Variants in TOB2 observed in about 807,000 individuals in gnomAD.
TOB2 encodes protein Tob2.
In TOB2, 3 loss-of-function variants were observed where a neutral mutation model predicts 17.3. The observed-to-expected ratio is 0.17, with a 90% confidence interval of 0.08 to 0.45. The LOEUF (loss-of-function observed/expected upper bound fraction) is 0.45, where lower values mean the gene tolerates loss of function less well. Among genes scored for constraint, TOB2 ranks in the 20% least tolerant of loss-of-function variants. TOB2 has a pLI of 0.99. For missense variants in TOB2, 407 were observed against 445.7 expected, an observed-to-expected ratio of 0.91 and a Z score of 0.78; for synonymous variants, 163 against 185.6, an observed-to-expected ratio of 0.88 and a Z score of 0.99.
Position 41,436,743 on chromosome 22 carries a change from C to G in TOB2, c.603G>C (p.Gly201=), listed in dbSNP as rs1437272523. The G allele has an allele frequency of 1.8e-5, 29 of 1,613,654 alleles. 1 individual carries two copies. Among genetic ancestry groups the G allele is most frequent in the Non-Finnish European group, 2.5e-5 (29 of 1,179,846 alleles). The change falls in exon 2 of 2, where the codon GGG becomes GGC. Residue 201 remains glycine, a synonymous_variant. Coordinates refer to ENST00000327492, the MANE Select transcript of TOB2 (RefSeq NM_016272.4). The surrounding 1 kb of genome is among the most constrained non-coding windows in gnomAD (Gnocchi z 4.8). ...CACCCGCCCCACTGCTGGCTACACC[C>G]CCACCACTTGCTGCCCCGCCCCCCT... is the stretch of plus-strand genomic sequence containing the variant. ...MKKGGGAASG[G]GVASSGAGGQ... is the part of the protein sequence containing the mutation.
intron 1 of TOB2, among the ~76,000 whole-genome samples, chr22:41,441,099 CA>C (rs1411211974): frequency 6.6e-6 from 1 of 151,894 alleles, no homozygotes; most frequent in Non-Finnish European, 1.5e-5. Flanking sequence ...GAGTGGATCA[CA>C]AGGTCAGGAG....
chr22:41,437,318 T>A lies in TOB2; in HGVS notation c.28A>T (p.Asn10Tyr), dbSNP rs757727075. Reference protein sequence around the residue: MQLEIKVALNFIISYLYNKL... With the variant: MQLEIKVALYFIISYLYNKL... The stretch of plus-strand genomic sequence containing the variant: ...TTGTACAAGTAGGAGATGATGAAGT[T>A]CAGGGCCACTTTGATCTCTAGCTGC... The change falls in exon 2 of 2, where the codon AAC becomes TAC. Residue 10 changes from asparagine to tyrosine, a missense_variant. Transcript: ENST00000327492. 6.2e-7 allele frequency: 1 copy of A among 1,613,776 alleles called. No homozygotes were observed. The highest frequency in any genetic ancestry group is 1.7e-5 in the Admixed American group (1 of 59,992).
chr22:41,442,094 C>CAAA (rs34651461), intron 1 of TOB2, among the ~76,000 whole-genome samples: 2 of 105,868 alleles, frequency 1.9e-5, no homozygotes, highest in South Asian at 3.0e-4. Flanking sequence ...AATTCTGCCT[C>CAAA]AAAAAAAAAA....
chr22:41,443,560 C>T (rs1327880698), intron 1 of TOB2, among the ~76,000 whole-genome samples: 1 of 150,908 alleles, frequency 6.6e-6, no homozygotes, highest in Non-Finnish European at 1.5e-5. Flanking sequence ...CCTCGTGATC[C>T]GCTCGCCTCC....
rs986037175 is a variant in TOB2, at chr22:41,436,344, G to A, written c.1002C>T (p.Ser334=). ...SYNLNTMQYP[S]QQFQPVVLAN is the part of the protein sequence containing the mutation. ...CCAGCACCACGGGCTGGAACTGCTG[G>A]CTGGGATACTGCATGGTGTTCAGGT... is the stretch of plus-strand genomic sequence containing the variant. The change falls in exon 2 of 2, where the codon AGC becomes AGT. Residue 334 remains serine (S), a synonymous_variant. Transcript: ENST00000327492. This position sits in a 1 kb window ranked among gnomAD's most constrained non-coding sequence, Gnocchi z 4.8. 23 of 1,598,700 alleles carry A rather than the reference G, an allele frequency of 1.4e-5. No homozygotes were observed. The highest frequency in any genetic ancestry group is 1.0e-4 in the Admixed American group (6 of 58,806).
In TOB2 at chr22:41,433,586, CTA is replaced by C. The variant is rs975152172; in HGVS notation, c.*2723_*2724del. 1 of 195,462 alleles carries C rather than the reference CTA, an allele frequency of 5.1e-6. No homozygotes were observed. Among genetic ancestry groups the C allele is most frequent in the African/African-American group, 2.3e-5 (1 of 43,174 alleles). 12.1% of individuals were successfully genotyped at this position (195,462 alleles called of 1,614,324 possible). A position where few individuals can be genotyped will look rare whatever the true frequency, so the allele number is the denominator to read the frequency against. On this transcript the variant is annotated 3_prime_UTR_variant, in exon 2 of 2. Coordinates refer to ENST00000327492, the MANE Select transcript of TOB2 (RefSeq NM_016272.4). Reference sequence around the variant, plus strand: ...TCAATCTTTTTGTTTTGTTTTTAAACTAAAATCTCTAAACACACCAATGTCCC... The same window carrying C: ...TCAATCTTTTTGTTTTGTTTTTAAACAAATCTCTAAACACACCAATGTCCC...
chr22:41,440,220 C>G (rs987495397), intron 1 of TOB2, among the ~76,000 whole-genome samples: 1 of 151,666 alleles, frequency 6.6e-6, no homozygotes. Context: ...CCGGTTCAAG[C>G]GATTCTCCTG....
chr22:41,440,414 G>A (rs997700913), intron 1 of TOB2, among the ~76,000 whole-genome samples: 1 of 151,752 alleles, frequency 6.6e-6, no homozygotes, highest in Non-Finnish European at 1.5e-5. Flanking sequence ...ACCGCGCCTG[G>A]CCTCTTTTTC....
At chr22:41,443,643 G>C (rs2037645372) in intron 1 of TOB2, among the ~76,000 whole-genome samples, 2 of 100,468 alleles carry the variant, frequency 2.0e-5, no homozygotes, top group African/African-American at 8.0e-5. Flanking sequence ...TTTTTTTTGA[G>C]ATGGAGTTTC....
chr22:41,443,654 G>A (rs1352114451), intron 1 of TOB2, among the ~76,000 whole-genome samples: 3 of 134,348 alleles, frequency 2.2e-5, no homozygotes, highest in Non-Finnish European at 4.7e-5. Context: ...ATGGAGTTTC[G>A]GTTTTGTTGC....
chr22:41,441,334 A>C (rs1409635481), intron 1 of TOB2, among the ~76,000 whole-genome samples: 3 of 150,158 alleles, frequency 2.0e-5, no homozygotes, highest in Non-Finnish European at 3.0e-5. Flanking sequence ...AAAAAGTAAG[A>C]ATAGTAGAAA....
rs1020997703 is a variant in TOB2, at chr22:41,436,766, C to T, written c.580G>A (p.Gly194Arg). 6.2e-6 allele frequency: 10 copies of T among 1,613,938 alleles called. No homozygotes were observed. The highest frequency in any genetic ancestry group is 3.3e-4 in the Middle Eastern group (2 of 6,062). Residue 194 changes from glycine (G) to arginine (R), a missense_variant, in exon 2 of 2, where the codon GGG (glycine) becomes AGG (arginine). Gly to Arg is a moderately radical substitution (Grantham distance 125, BLOSUM62 -2). Coordinates refer to ENST00000327492, the MANE Select transcript of TOB2 (RefSeq NM_016272.4). This position sits in a 1 kb window ranked among gnomAD's most constrained non-coding sequence, Gnocchi z 4.8. ...CCCCCACCACTTGCTGCCCCGCCCC[C>T]CTTCTTCATCTTAGTGGAGCCAAAT... ...TKFGSTKMKKGGGAASGGGVA... is the reference protein window; with the variant it reads ...TKFGSTKMKKRGGAASGGGVA...
At position 41,433,572 on chromosome 22, in the gene TOB2, G is replaced by T; in HGVS notation, c.*2739C>A. 1 of 198,322 alleles carries T rather than the reference G, an allele frequency of 5.0e-6. No individual in the cohort carries two copies. The highest frequency in any genetic ancestry group is 1.1e-5 in the Non-Finnish European group (1 of 92,956). The allele number at this position is 198,322 out of a possible 1,614,324, so 12.3% of individuals were successfully genotyped here. On this transcript the variant is annotated 3_prime_UTR_variant, in exon 2 of 2. Transcript: ENST00000327492. Reference sequence around the variant, plus strand: ...CTGTACAGATTTGATCAATCTTTTTGTTTTGTTTTTAAACTAAAATCTCTA... The same window carrying T: ...CTGTACAGATTTGATCAATCTTTTTTTTTTGTTTTTAAACTAAAATCTCTA...
At chr22:41,438,545 G>A (rs923516271) in intron 1 of TOB2, among the ~76,000 whole-genome samples, 15 of 142,178 alleles carry the variant, frequency 1.1e-4, no homozygotes, top group African/African-American at 3.4e-4. Flanking sequence ...TAGGAGAATC[G>A]CTTGAACCCA....
rs772979961 is a variant in TOB2 at position 41,436,714 on chromosome 22, T to C, written c.632A>G (p.Gln211Arg). ...CATGCGAGGCTGCTGTGGTGGCTGC[T>C]GGCCACCCGCCCCACTGCTGGCTAC... ...GGVASSGAGG[Q>R]QPPQQPRMAR... The change falls in exon 2 of 2, where the codon CAG becomes CGG. Residue 211 changes from glutamine to arginine, a missense_variant. By Grantham distance (43) the Gln-to-Arg change is conservative. Coordinates refer to ENST00000327492, the MANE Select transcript of TOB2 (RefSeq NM_016272.4). This position sits in a 1 kb window ranked among gnomAD's most constrained non-coding sequence, Gnocchi z 4.8. 1 of 1,612,976 alleles carries C rather than the reference T, an allele frequency of 6.2e-7. No homozygotes were observed. The highest frequency in any genetic ancestry group is 2.2e-5 in the East Asian group (1 of 44,878).
At chr22:41,440,122 T>C (rs1025698146) in intron 1 of TOB2, among the ~76,000 whole-genome samples, 4 of 10,726 alleles carry the variant, frequency 3.7e-4, no homozygotes, top group South Asian at 1.4e-3. Context: ...TTCTTTCTTT[T>C]TTTTTTTTTT....
chr22:41,439,896 T>C (rs2037594800), intron 1 of TOB2, among the ~76,000 whole-genome samples: 1 of 152,136 alleles, frequency 6.6e-6, no homozygotes, highest in Admixed American at 6.6e-5. Flanking sequence ...TGGGTCAATC[T>C]GGAGCAGCAT....
In TOB2 at chr22:41,435,713, C is replaced by T. The variant is rs1405239398; in HGVS notation, c.*598G>A. The T allele has an allele frequency of 6.5e-6, 1 of 152,822 alleles. No individual in the cohort carries two copies. Among genetic ancestry groups the T allele is most frequent in the Non-Finnish European group, 1.5e-5 (1 of 68,190 alleles). The allele number at this position is 152,822 out of a possible 1,614,324, so 9.5% of individuals were successfully genotyped here. A position where few individuals can be genotyped will look rare whatever the true frequency, so the allele number is the denominator to read the frequency against. On this transcript the variant is annotated 3_prime_UTR_variant, in exon 2 of 2. Coordinates refer to ENST00000327492, the MANE Select transcript of TOB2 (RefSeq NM_016272.4). ...AGGGGGAGGGTGTCAAGTGGCCAGC[C>T]AGCAACTCCCTGTGGCCCAGCCTGA...
intron 1 of TOB2, among the ~76,000 whole-genome samples, chr22:41,439,446 T>G (rs1000217440): frequency 1.3e-5 from 2 of 152,156 alleles, no homozygotes; most frequent in Non-Finnish European, 2.9e-5. Context: ...CCTGGGCCCA[T>G]GGCTCTTAAG....
Sources: gnomAD v4.1 joint callset for allele counts (sites outside exome capture counted in the v4.1 genomes callset) on GRCh38, gnomAD v4.1.1 for gene constraint, Gnocchi (gnomAD v3.1) non-coding constraint, MANE v1.5 for transcripts, NCBI Gene and HGNC (gene_info 2026-07-23, HGNC 2026-07-21) for gene names.